Variants in THSD4 observed in about 807,000 individuals in gnomAD.
THSD4 encodes thrombospondin type 1 domain containing 4.
THSD4 carries 69 observed loss-of-function variants against 119.0 expected under a neutral mutation model. The ratio of observed to expected loss-of-function variants is 0.58; its 90% CI spans 0.48 to 0.71. The LOEUF is 0.71. Among genes scored for constraint, THSD4 ranks in the 30% least tolerant of loss-of-function variants. THSD4 has a pLI of 0.00. For synonymous variants in THSD4, 524 were observed against 540.4 expected (o/e 0.97, Z 0.42); for missense variants, 1,393 against 1,391.1 (o/e 1.00, Z -0.02).
At chr15:71,463,434 C>T (rs556682585) in intron 7 of THSD4, among the ~76,000 whole-genome samples, 23 of 152,292 alleles carry the variant, frequency 1.5e-4, no homozygotes, top group Non-Finnish European at 2.1e-4. Flanking sequence ...CAAATTATAC[C>T]GTCATCTGGT....
intron 7 of THSD4, among the ~76,000 whole-genome samples, chr15:71,593,837 G>A (rs1359477575): frequency 6.6e-6 from 1 of 151,946 alleles, no homozygotes; most frequent in Non-Finnish European, 1.5e-5. Context: ...CTGGGAGGTC[G>A]AGACTGCAGT....
intron 7 of THSD4, among the ~76,000 whole-genome samples, chr15:71,475,330 A>G (rs564643626): frequency 6.6e-6 from 1 of 152,326 alleles, no homozygotes; most frequent in South Asian, 2.1e-4. Context: ...TCAAATTTTC[A>G]TAGATATTGC....
At chr15:71,145,554 A>G (rs2141374824) in intron 2 of THSD4, among the ~76,000 whole-genome samples, 1 of 151,286 alleles carries the variant, frequency 6.6e-6, no homozygotes, top group Non-Finnish European at 1.5e-5. Context: ...TAGAAATACA[A>G]CCAAAAGGGT....
At chr15:71,341,101 C>T (rs527853983) in intron 6 of THSD4, 41 of 1,102,660 alleles carry the variant, frequency 3.7e-5, no homozygotes, top group South Asian at 1.7e-4. Flanking sequence ...TCTCTTCTGT[C>T]TTCCCTCTCT....
chr15:71,359,984 G>A (rs1303331334), intron 6 of THSD4, among the ~76,000 whole-genome samples: 1 of 152,202 alleles, frequency 6.6e-6, no homozygotes, highest in Non-Finnish European at 1.5e-5. Flanking sequence ...CCAAAATTGA[G>A]TAGCTTAAAG....
At chr15:71,340,181 C>G (rs374670028) in intron 6 of THSD4, among the ~76,000 whole-genome samples, 7 of 152,352 alleles carry the variant, frequency 4.6e-5, no homozygotes, top group East Asian at 1.9e-4. Flanking sequence ...GTCTCCCTGA[C>G]TGGACCGTGT....
chr15:71,565,882 G>A, intron 7 of THSD4, among the ~76,000 whole-genome samples: 1 of 152,144 alleles, frequency 6.6e-6, no homozygotes, highest in African/African-American at 2.4e-5. Flanking sequence ...CAGCTTCTGA[G>A]GTGCTTAGAA....
chr15:71,500,779 T>C (rs1470942275), intron 7 of THSD4, among the ~76,000 whole-genome samples: 1 of 152,218 alleles, frequency 6.6e-6, no homozygotes, highest in African/African-American at 2.4e-5. Context: ...GGAAGATCAT[T>C]TGACCACATA....
intron 7 of THSD4, among the ~76,000 whole-genome samples, chr15:71,412,514 C>CGT (rs1319466241): frequency 2.0e-5 from 3 of 152,122 alleles, no homozygotes; most frequent in Admixed American, 2.0e-4. Context: ...CTTTCATCTA[C>CGT]GTATGTATTC....
chr15:71,539,487 C>A (rs2048729452), intron 7 of THSD4, among the ~76,000 whole-genome samples: 1 of 152,176 alleles, frequency 6.6e-6, no homozygotes, highest in Non-Finnish European at 1.5e-5. Context: ...GAGGTGACAT[C>A]TGCTATGGTT....
At chr15:71,409,911 A>G (rs559133817) in intron 6 of THSD4, among the ~76,000 whole-genome samples, 2 of 150,840 alleles carry the variant, frequency 1.3e-5, no homozygotes, top group African/African-American at 4.9e-5. Context: ...TTTTTTTTAC[A>G]TACAGTGTGT....
intron 1 of THSD4, among the ~76,000 whole-genome samples, chr15:71,119,763 C>CT (rs1431459130): frequency 6.6e-6 from 1 of 152,228 alleles, no homozygotes; most frequent in Non-Finnish European, 1.5e-5. Context: ...AAGCCAGCCC[C>CT]TTCCTCCCTG....
upstream of THSD4, chr15:71,113,787 CA>C (rs958571852): frequency 2.6e-5 from 4 of 152,202 alleles, no homozygotes; most frequent in African/African-American, 9.7e-5. Context: ...ATGAATAAAT[CA>C]ATCTTGTTTG....
At chr15:71,481,122 A>AT (rs1398234301) in intron 7 of THSD4, among the ~76,000 whole-genome samples, 10 of 152,222 alleles carry the variant, frequency 6.6e-5, no homozygotes, top group Admixed American at 6.5e-4. Flanking sequence ...ACAAACAAAT[A>AT]AAAACCTGCA....
chr15:71,565,345 A>C lies in THSD4; in HGVS notation c.1153-95185A>C, dbSNP rs750604595. ...TAAGCGATAATTATATATGCATCAC[A>C]GATGTACCCACATAATATTGACTGT... On this transcript the variant is annotated intron_variant, in intron 7 of 17. Transcript: ENST00000261862. Among the ~76,000 whole-genome samples, 208 of 152,368 alleles carry C rather than the reference A, an allele frequency of 1.4e-3. 1 individual carries two copies. The Middle Eastern group carries it at 0.027, about 20-fold the overall frequency.
chr15:71,394,095 A>G (rs866788575), intron 6 of THSD4, among the ~76,000 whole-genome samples: 8 of 133,666 alleles, frequency 6.0e-5, no homozygotes, highest in African/African-American at 1.1e-4. Context: ...TTTTTTTACC[A>G]TATTTAGTAG....
At chr15:71,518,808 G>A (rs1165357272) in intron 7 of THSD4, among the ~76,000 whole-genome samples, 2 of 152,182 alleles carry the variant, frequency 1.3e-5, no homozygotes, top group Admixed American at 6.5e-5. Flanking sequence ...CCATTGTTCT[G>A]TGTTGGTTTA....
chr15:71,629,447 C>T (rs1471998888), intron 7 of THSD4, among the ~76,000 whole-genome samples: 1 of 152,290 alleles, frequency 6.6e-6, no homozygotes, highest in Non-Finnish European at 1.5e-5. Flanking sequence ...CCCTGAGGGC[C>T]TTTCCGCAGC....
At chr15:71,300,642 T>G (rs1406837993) in intron 6 of THSD4, among the ~76,000 whole-genome samples, 1 of 152,232 alleles carries the variant, frequency 6.6e-6, no homozygotes, top group African/African-American at 2.4e-5. Context: ...GAAGATGCTG[T>G]AGTATAAGAG....
Sources: gnomAD v4.1 joint callset for allele counts (sites outside exome capture counted in the v4.1 genomes callset) on GRCh38, gnomAD v4.1.1 for gene constraint, MANE v1.5 for transcripts, NCBI Gene and HGNC (gene_info 2026-07-23, HGNC 2026-07-21) for gene names.